The following FSTL4 variants were observed in gnomAD, a reference collection of about 807,000 sequenced individuals.
The protein encoded by FSTL4 is follistatin-related protein 4.
A neutral mutation model predicts 78.2 loss-of-function variants in FSTL4; 28 were observed. The observed-to-expected ratio is 0.36, with a 90% CI of 0.27 to 0.49. The LOEUF (loss-of-function observed/expected upper bound fraction) is 0.49, where lower values mean the gene tolerates loss of function less well. FSTL4 is among the 20% of genes least tolerant of loss of function. FSTL4 has a pLI of 0.98. For missense variants in FSTL4, 922 were observed against 1,084.9 expected (o/e 0.85, Z 2.11); for synonymous variants, 422 against 440.5 (o/e 0.96, Z 0.53).
chr5:133,670,857 G>A, the FSTL4 span, among the ~76,000 whole-genome samples: 1 of 152,156 alleles, frequency 6.6e-6, no homozygotes, highest in Non-Finnish European at 1.5e-5. Flanking sequence ...AGGCAGACTG[G>A]TATACTGGTT....
intron 3 of FSTL4, among the ~76,000 whole-genome samples, chr5:133,483,197 C>T (rs1442781986): frequency 6.6e-6 from 1 of 152,204 alleles, no homozygotes; most frequent in Non-Finnish European, 1.5e-5. Flanking sequence ...TCCTCCTTCA[C>T]CTCCCACCAT....
the FSTL4 span, among the ~76,000 whole-genome samples, chr5:133,723,338 C>T: frequency 6.6e-6 from 1 of 152,148 alleles, no homozygotes; most frequent in Non-Finnish European, 1.5e-5. Flanking sequence ...AGGCTCAGGC[C>T]TTGGAGAGCA....
At chr5:133,651,674 C>T in the FSTL4 span, among the ~76,000 whole-genome samples, 1,651 of 151,544 alleles carry the variant, frequency 0.011, 30 homozygotes, top group African/African-American at 0.038. Context: ...CTTGCTCTGT[C>T]GCCTGATTTG....
the FSTL4 span, among the ~76,000 whole-genome samples, chr5:133,807,976 A>AT: frequency 1.3e-5 from 2 of 151,696 alleles, no homozygotes; most frequent in Non-Finnish European, 2.9e-5. Context: ...GCTGCCTTGG[A>AT]TTTTTTCTGC....
At chr5:133,463,982 G>A (rs1757649628) in intron 3 of FSTL4, among the ~76,000 whole-genome samples, 1 of 152,220 alleles carries the variant, frequency 6.6e-6, no homozygotes, top group Non-Finnish European at 1.5e-5. Context: ...TTCCATGTCA[G>A]TATCGATTCA....
At chr5:133,517,478 AC>A (rs1450780352) in intron 3 of FSTL4, among the ~76,000 whole-genome samples, 124 of 6,208 alleles carry the variant, frequency 0.02, 1 homozygote, top group Middle Eastern at 0.071. Flanking sequence ...ACACACACAC[AC>A]CACACACACA....
chr5:133,579,226 C>T (rs141893936), intron 2 of FSTL4, among the ~76,000 whole-genome samples: 19 of 152,296 alleles, frequency 1.2e-4, no homozygotes, highest in African/African-American at 4.6e-4. Flanking sequence ...CCTGGCGTAG[C>T]GTAGGCCCTA....
chr5:133,578,216 A>C (rs1279246568), intron 2 of FSTL4, among the ~76,000 whole-genome samples: 3 of 152,280 alleles, frequency 2.0e-5, no homozygotes, highest in African/African-American at 7.2e-5. Context: ...TCAACATGAT[A>C]AACCCATCAA....
intron 4 of FSTL4, among the ~76,000 whole-genome samples, chr5:133,321,656 C>T (rs556888548): frequency 1.3e-5 from 2 of 152,278 alleles, no homozygotes; most frequent in South Asian, 2.1e-4. Flanking sequence ...GAGAATGGTT[C>T]GAGAGAATGC....
chr5:133,839,536 G>A, the FSTL4 span, among the ~76,000 whole-genome samples: 1 of 140,584 alleles, frequency 7.1e-6, no homozygotes, highest in Non-Finnish European at 1.6e-5. Context: ...TGGGTTGAGG[G>A]GCTATCTTTT....
chr5:133,345,371 T>C (rs1485670332), intron 4 of FSTL4, among the ~76,000 whole-genome samples: 1 of 152,200 alleles, frequency 6.6e-6, no homozygotes, highest in Non-Finnish European at 1.5e-5. Context: ...ATTCCGTAGG[T>C]TGCCTGTTCA....
chr5:133,447,958 T>C (rs938118658), intron 3 of FSTL4, among the ~76,000 whole-genome samples: 5 of 152,298 alleles, frequency 3.3e-5, no homozygotes, highest in Non-Finnish European at 7.4e-5. Context: ...TTGGAACAGA[T>C]GGCAAGATTT....
intron 3 of FSTL4, among the ~76,000 whole-genome samples, chr5:133,515,813 C>CA (rs1178932263): frequency 6.6e-6 from 1 of 151,526 alleles, no homozygotes; most frequent in Non-Finnish European, 1.5e-5. Flanking sequence ...AACCAAATGA[C>CA]AAAAAAGCAA....
the FSTL4 span, among the ~76,000 whole-genome samples, chr5:133,688,676 T>C: frequency 6.6e-6 from 1 of 152,318 alleles, no homozygotes; most frequent in Admixed American, 6.5e-5. Context: ...GGGAGATAAA[T>C]AGGTCTCGCT....
the FSTL4 span, among the ~76,000 whole-genome samples, chr5:133,690,522 A>C: frequency 6.6e-6 from 1 of 152,118 alleles, no homozygotes; most frequent in African/African-American, 2.4e-5. Context: ...AGTTGATCAC[A>C]GTTCTTAGAG....
chr5:133,425,236 A>G (rs4386770), intron 3 of FSTL4, among the ~76,000 whole-genome samples: 1 of 151,924 alleles, frequency 6.6e-6, no homozygotes, highest in Non-Finnish European at 1.5e-5. Flanking sequence ...CTAAAAAAAA[A>G]GGTACCTTAG....
chr5:133,439,261 A>C (rs935721907), intron 3 of FSTL4, among the ~76,000 whole-genome samples: 1 of 152,190 alleles, frequency 6.6e-6, no homozygotes, highest in African/African-American at 2.4e-5. Flanking sequence ...CTAGAACTCT[A>C]TGAGACCTTT....
chr5:133,521,410 T>C (rs1758979227), intron 3 of FSTL4, among the ~76,000 whole-genome samples: 1 of 152,178 alleles, frequency 6.6e-6, no homozygotes, highest in Non-Finnish European at 1.5e-5. Context: ...CTTAAAGCAC[T>C]TTGGGTTGCA....
At chr5:133,673,114 A>C in the FSTL4 span, among the ~76,000 whole-genome samples, 1 of 152,216 alleles carries the variant, frequency 6.6e-6, no homozygotes. Flanking sequence ...AGACTTTCCA[A>C]AGGACACAAA....
Sources: allele counts gnomAD v4.1 joint callset (sites outside exome capture counted in the v4.1 genomes callset), GRCh38; gene constraint gnomAD v4.1.1; transcripts MANE v1.5; gene names NCBI Gene and HGNC (gene_info 2026-07-23, HGNC 2026-07-21).